Variants in PLXNB3 observed in about 807,000 individuals in gnomAD.
PLXNB3 encodes plexin B3, also known as plexin-B3.
PLXNB3 carries 80 observed loss-of-function variants against 125.7 expected under a neutral mutation model. The ratio of observed to expected loss-of-function variants is 0.64; its 90% CI spans 0.53 to 0.77. PLXNB3 has a LOEUF of 0.77. Ranked by LOEUF, PLXNB3 falls within the 30% of genes least tolerant of loss-of-function variation. PLXNB3 has a pLI of 0.00. For missense variants in PLXNB3, 1,836 were observed against 1,729.3 expected, an observed-to-expected ratio of 1.06 and a Z score of -1.09; for synonymous variants, 954 against 783.3, an observed-to-expected ratio of 1.22 and a Z score of -3.64.
chrX:153,779,056 C>T lies in PLXNB3; in HGVS notation c.*17C>T, dbSNP rs1557065612. 4 of 1,103,528 alleles carry T rather than the reference C, an allele frequency of 3.6e-6. No individual in the cohort carries two copies. In the South Asian group the frequency reaches 8.5e-5, roughly 23 times the overall value. 90.9% of individuals were successfully genotyped at this position (1,103,528 alleles called of 1,213,427 possible). ...GACCTGTGAGCTCTGGCTCAGACAGCAGCAAGCCGGATCCACCAACACCGC... is the reference window on the plus strand; with the variant it reads ...GACCTGTGAGCTCTGGCTCAGACAGTAGCAAGCCGGATCCACCAACACCGC... On this transcript the variant is annotated 3_prime_UTR_variant, in exon 36 of 36. Coordinates refer to ENST00000361971, the MANE Select transcript of PLXNB3 (RefSeq NM_005393.3).
intron 26 of PLXNB3, 82 bp from the exon 27 acceptor site, chrX:153,775,805 G>A: frequency 2.7e-6 from 3 of 1,109,972 alleles, no homozygotes; most frequent in African/African-American, 1.8e-5. Flanking sequence ...CCCTCTCCGG[G>A]GCTGGAGACG....
Position 153,768,441 on chromosome X carries a change from C to A in PLXNB3, c.1266+13C>A, listed in dbSNP as rs782643569. The A allele has an allele frequency of 6.8e-6, 8 of 1,179,335 alleles. No individual in the cohort carries two copies. The highest frequency in any genetic ancestry group is 1.8e-5 in the South Asian group (1 of 54,274). ...CCAGCTGTACAAGGTGAGGGCCCGG[C>A]CTTGCTGTCCGGCTGGGTGTGCCCC... On this transcript the variant is annotated intron_variant, in intron 4 of 35. Transcript: ENST00000361971.
rs1031438719 is a variant in PLXNB3, at chrX:153,768,282, C to G, written c.1120C>G (p.His374Asp). The change falls in exon 4 of 36, where the codon CAC becomes GAC. Residue 374 changes from histidine to aspartate, a missense_variant. Coordinates refer to ENST00000361971, the MANE Select transcript of PLXNB3 (RefSeq NM_005393.3). ...SPESYPCGDE[H>D]TPSPIAGRQP... ...CGAGTCGTACCCCTGTGGCGACGAGCACACCCCCAGCCCCATTGCTGGCCG... is the reference window on the plus strand; with the variant it reads ...CGAGTCGTACCCCTGTGGCGACGAGGACACCCCCAGCCCCATTGCTGGCCG... 1 of 1,198,862 alleles carries G rather than the reference C, an allele frequency of 8.3e-7. No individual in the cohort carries two copies. The highest frequency in any genetic ancestry group is 1.1e-6 in the Non-Finnish European group (1 of 886,051).
intron 6 of PLXNB3, 84 bp downstream of exon 6, chrX:153,769,346 C>T (rs782297379): frequency 1.3e-4 from 105 of 788,915 alleles, no homozygotes; most frequent in East Asian, 8.4e-4. Context: ...CTAGGCGTGC[C>T]GGGAGGCCAA....
rs782167391 is a variant in PLXNB3, at chrX:153,772,939, C to T, written c.2829C>T (p.Thr943=). 3 of 1,188,439 alleles carry T rather than the reference C, an allele frequency of 2.5e-6. No homozygotes were observed. The highest frequency in any genetic ancestry group is 3.5e-5 in the African/African-American group (2 of 56,547). The part of the protein sequence containing the change: ...SPRWGPQAGG[T]QLTIRGQHLQ... ...GCTGGGGCCCCCAGGCAGGGGGCAC[C>T]CAGCTCACCATCCGAGGTCAGCACC... Residue 943 remains threonine, a synonymous_variant, in exon 17 of 36, where the codon ACC becomes ACT. Coordinates refer to ENST00000361971, the MANE Select transcript of PLXNB3 (RefSeq NM_005393.3).
chrX:153,771,145 T>G, intron 12 of PLXNB3, 64 bp downstream of exon 12: 1 of 1,031,256 alleles, frequency 9.7e-7, no homozygotes, highest in Non-Finnish European at 1.4e-6. Flanking sequence ...GGGTCTGCCA[T>G]CTTTGTGGAG....
rs549861701 is a variant in PLXNB3, at chrX:153,771,402, T to C, written c.2346T>C (p.Tyr782=). ...AQRLDNTHAL[Y]VILYDCAMGH... Reference sequence around the variant, plus strand: ...GGCTGGACAACACCCATGCTCTTTATGGTGAGCCTGAGGGCAGCCAGGCAG... The same window carrying C: ...GGCTGGACAACACCCATGCTCTTTACGGTGAGCCTGAGGGCAGCCAGGCAG... The change falls in exon 13 of 36, where the codon TAT becomes TAC. Residue 782 remains tyrosine, a splice_region_variant and synonymous_variant. Transcript: ENST00000361971. 5 of 1,209,031 alleles carry C rather than the reference T, an allele frequency of 4.1e-6. No individual in the cohort carries two copies. Among genetic ancestry groups the C allele is most frequent in the South Asian group, 3.5e-5 (2 of 56,983 alleles).
At chrX:153,772,728 C>T in intron 16 of PLXNB3, 158 bp from the exon 17 acceptor site, 1 of 1,036,082 alleles carries the variant, frequency 9.7e-7, no homozygotes, top group Non-Finnish European at 1.2e-6. Context: ...GGCCAGTGTG[C>T]AGTGGCCTCG....
chrX:153,766,443 G>T, intron 2 of PLXNB3: 2 of 1,074,286 alleles, frequency 1.9e-6, no homozygotes, highest in South Asian at 5.1e-5. Flanking sequence ...CACAGCTTCC[G>T]CCAGCCTTCC....
Position 153,771,601 on chromosome X carries a change from C to G in PLXNB3, c.2463C>G (p.Pro821=). The G allele has an allele frequency of 8.3e-7, 1 of 1,206,390 alleles. No homozygotes were observed. The change falls in exon 14 of 36, where the codon CCC becomes CCG. Residue 821 remains proline (P), a synonymous_variant. Coordinates refer to ENST00000361971, the MANE Select transcript of PLXNB3 (RefSeq NM_005393.3). The part of the protein sequence containing the change: ...ADGQPACRYG[P]LCPPGAVELL... ...GCCAGCCTGCCTGTCGCTATGGGCC[C>G]TTGTGCCCGCCGGGGGCTGTGGAGC...
In PLXNB3 at chrX:153,776,066, C is replaced by A; in HGVS notation, c.4581C>A (p.Gly1527=). 2 of 1,194,879 alleles carry A rather than the reference C, an allele frequency of 1.7e-6. No homozygotes were observed. The highest frequency in any genetic ancestry group is 1.8e-5 in the South Asian group (1 of 55,296). The change falls in exon 27 of 36, where the codon GGC becomes GGA. Residue 1527 remains glycine (G), a synonymous_variant. Coordinates refer to ENST00000361971, the MANE Select transcript of PLXNB3 (RefSeq NM_005393.3). ...TLMVLVGPGA[G]GAAGSSEMQR... ...TGGTGCTGGTGGGGCCCGGGGCTGG[C>A]GGGGCCGCAGGCAGCAGCGAGATGC... is the stretch of plus-strand genomic sequence containing the variant.
rs146671037 is a variant in PLXNB3 at position 153,775,906 on chromosome X, T to C, written c.4421T>C (p.Leu1474Pro). Residue 1474 changes from leucine (L) to proline (P), a missense_variant, in exon 27 of 36, where the codon CTG (leucine) becomes CCG (proline). By Grantham distance (98) the Leu-to-Pro change is moderately conservative. Transcript: ENST00000361971. ...AFLREVAGEPLYMLFRAIQYQ... is the reference protein window; with the variant it reads ...AFLREVAGEPPYMLFRAIQYQ... ...GTGCAGGAGGTGGCTGGTGAACCACTGTACATGCTCTTCCGGGCCATCCAG... is the reference window on the plus strand; with the variant it reads ...GTGCAGGAGGTGGCTGGTGAACCACCGTACATGCTCTTCCGGGCCATCCAG... 3.3e-6 allele frequency: 4 copies of C among 1,207,774 alleles called. No homozygotes were observed. The African/African-American group carries it at 7.0e-5, about 21-fold the overall frequency.
At chrX:153,775,145 G>A (rs1185125048) in intron 24 of PLXNB3, 42 bp downstream of exon 24, 1 of 1,162,572 alleles carries the variant, frequency 8.6e-7, no homozygotes, top group African/African-American at 1.8e-5. Context: ...GCAAGGAGGT[G>A]GGGCTGGGGA....
Position 153,767,348 on chromosome X carries a change from T to C in PLXNB3, c.521T>C (p.Val174Ala), listed in dbSNP as rs1212295165. Residue 174 changes from valine to alanine, a missense_variant, in exon 3 of 36, where the codon GTG becomes GCG. Transcript: ENST00000361971. Reference sequence around the variant, plus strand: ...GCCAATACCCCGGGAGTGGCAACGGTGGGGCTGGTGGTGCCCTTGCCCGGC... The same window carrying C: ...GCCAATACCCCGGGAGTGGCAACGGCGGGGCTGGTGGTGCCCTTGCCCGGC... Reference protein sequence around the residue: ...VAANTPGVATVGLVVPLPGRD... With the variant: ...VAANTPGVATAGLVVPLPGRD... 8.3e-7 allele frequency: 1 copy of C among 1,198,524 alleles called. No individual in the cohort carries two copies. Among genetic ancestry groups the C allele is most frequent in the Non-Finnish European group, 1.1e-6 (1 of 889,588 alleles).
chrX:153,772,352 C>A (rs181395220), intron 16 of PLXNB3, 65 bp downstream of exon 16: 1 of 834,348 alleles, frequency 1.2e-6, no homozygotes, highest in Non-Finnish European at 1.8e-6. Flanking sequence ...GAAGGACAGG[C>A]GCCTAGTAAG....
rs376062801 is a variant in PLXNB3 at position 153,769,272 on chromosome X, G to A, written c.1496+10G>A. On this transcript the variant is annotated intron_variant, in intron 6 of 35. Transcript: ENST00000361971. Reference sequence around the variant, plus strand: ...GTGTCCTCCAGGGCAGGTGAGCACGGGGCCTGTGCCTAGGCTAGGGCCAAC... The same window carrying A: ...GTGTCCTCCAGGGCAGGTGAGCACGAGGCCTGTGCCTAGGCTAGGGCCAAC... 29 of 1,139,576 alleles carry A rather than the reference G, an allele frequency of 2.5e-5. No individual in the cohort carries two copies. Among genetic ancestry groups the A allele is most frequent in the Non-Finnish European group, 3.1e-5 (26 of 849,535 alleles). The allele number at this position is 1,139,576 out of a possible 1,213,427, so 93.9% of individuals were successfully genotyped here.
In PLXNB3 at chrX:153,769,173, A is replaced by G. The variant is rs1557060605; in HGVS notation, c.1407A>G (p.Ile469Met). 1 of 1,188,046 alleles carries G rather than the reference A, an allele frequency of 8.4e-7. No individual in the cohort carries two copies. Among genetic ancestry groups the G allele is most frequent in the Non-Finnish European group, 1.1e-6 (1 of 883,471 alleles). Reference sequence around the variant, plus strand: ...TGCTGCCCCTCCAGGTGGACCGGATACCTGTGGCAGCCTGCCCCCAGTTCC... The same window carrying G: ...TGCTGCCCCTCCAGGTGGACCGGATGCCTGTGGCAGCCTGCCCCCAGTTCC... ...YVLTAHQVDRIPVAACPQFPD... is the reference protein window; with the variant it reads ...YVLTAHQVDRMPVAACPQFPD... Residue 469 changes from isoleucine to methionine, a missense_variant, in exon 6 of 36, where the codon ATA becomes ATG. Transcript: ENST00000361971.
intron 6 of PLXNB3, 108 bp from the exon 7 acceptor site, chrX:153,769,699 A>G (rs1466576107): frequency 3.6e-6 from 3 of 842,047 alleles, no homozygotes; most frequent in African/African-American, 4.1e-5. Context: ...CCTCCTGCTC[A>G]TTGCACCCCA....
In PLXNB3 at chrX:153,767,545, G is replaced by A. The variant is rs782463555; in HGVS notation, c.718G>A (p.Asp240Asn). 310 of 1,173,411 alleles carry A rather than the reference G, an allele frequency of 2.6e-4. 2 individuals carry two copies. The highest frequency in any genetic ancestry group is 1.1e-3 in the South Asian group (54 of 50,902). Residue 240 changes from aspartate to asparagine, a missense_variant, in exon 3 of 36, where the codon GAC becomes AAC. Physicochemically the swap from Asp to Asn is conservative, Grantham distance 23 (BLOSUM62 1). Transcript: ENST00000361971. ...CAACAGCTACGTCGGGGCCTTTGCC[G>A]ACGCCCGCTCCGCCTACTTCGTGTT... Reference protein sequence around the residue: ...YNNSYVGAFADARSAYFVFRR... With the variant: ...YNNSYVGAFANARSAYFVFRR...
Sources: allele counts gnomAD v4.1 joint callset, GRCh38; gene constraint gnomAD v4.1.1; transcripts MANE v1.5; gene names NCBI Gene and HGNC (gene_info 2026-07-23, HGNC 2026-07-21).